Variants in NECAB1 observed in about 807,000 individuals in gnomAD.
The protein encoded by NECAB1 is N-terminal EF-hand calcium-binding protein 1.
In NECAB1, 29 loss-of-function variants were observed where a neutral mutation model predicts 57.5. That is an observed-to-expected ratio of 0.50 (90% CI 0.38 to 0.69). The LOEUF (loss-of-function observed/expected upper bound fraction) is 0.69. NECAB1 is among the 30% of genes least tolerant of loss of function. The pLI, the probability that NECAB1 is intolerant of heterozygous loss-of-function variation, is 0.00. For synonymous variants in NECAB1, 142 were observed against 147.7 expected (o/e 0.96, Z 0.28); for missense variants, 372 against 413.8 (o/e 0.90, Z 0.88).
chr8:90,912,584 A>AT (rs1462421374), intron 5 of NECAB1, among the ~76,000 whole-genome samples: 2 of 152,176 alleles, frequency 1.3e-5, no homozygotes, highest in Non-Finnish European at 2.9e-5. Flanking sequence ...GTAGTCTGAA[A>AT]TTATTTTGAT....
At chr8:90,880,242 ATCC>A (rs1174368340) in intron 4 of NECAB1, among the ~76,000 whole-genome samples, 3 of 152,152 alleles carry the variant, frequency 2.0e-5, no homozygotes, top group African/African-American at 7.2e-5. Flanking sequence ...ACTACAGTTC[ATCC>A]AAGGAAGGGT....
At chr8:90,872,742 G>GA (rs1160015567) in intron 4 of NECAB1, among the ~76,000 whole-genome samples, 1 of 152,058 alleles carries the variant, frequency 6.6e-6, no homozygotes, top group Non-Finnish European at 1.5e-5. Flanking sequence ...ATTATTTTAT[G>GA]AAAAAATAGA....
rs566550777 is a variant in NECAB1 at position 90,951,313 on chromosome 8, T to C, written c.1030+109T>C. The C allele has an allele frequency of 8.0e-5, 48 of 603,598 alleles. No individual in the cohort carries two copies. The African/African-American group carries it at 8.5e-4, about 11-fold the overall frequency. The allele number at this position is 603,598 out of a possible 1,614,324, so 37.4% of individuals were successfully genotyped here. ...TCTATATTTTATCAATGGTACTCTC[T>C]TATTTATTTCTTTATATATTTTATG... On this transcript the variant is annotated intron_variant, in intron 12 of 12. Transcript: ENST00000417640.
intron 5 of NECAB1, among the ~76,000 whole-genome samples, chr8:90,907,810 T>C (rs1321075293): frequency 6.6e-6 from 1 of 152,212 alleles, no homozygotes; most frequent in East Asian, 1.9e-4. Flanking sequence ...TCCCAAAGGT[T>C]ATTTTTTCCT....
intron 5 of NECAB1, among the ~76,000 whole-genome samples, chr8:90,898,366 A>G (rs939370819): frequency 2.6e-5 from 4 of 152,194 alleles, no homozygotes; most frequent in Non-Finnish European, 5.9e-5. Context: ...CAACTTTTGT[A>G]TTTAAATCAA....
chr8:90,870,765 A>G (rs1015559030), intron 3 of NECAB1, among the ~76,000 whole-genome samples: 3 of 152,232 alleles, frequency 2.0e-5, no homozygotes, highest in Non-Finnish European at 4.4e-5. Context: ...TGACAGAGTC[A>G]TGTTTGTAGA....
chr8:90,925,681 A>T, intron 7 of NECAB1, 25 bp downstream of exon 7: 1 of 1,612,690 alleles, frequency 6.2e-7, no homozygotes, highest in African/African-American at 1.3e-5. Context: ...ATTTGTTTTT[A>T]TTTGTCAAAG....
intron 3 of NECAB1, among the ~76,000 whole-genome samples, chr8:90,861,786 C>T (rs1247258809): frequency 1.3e-5 from 2 of 152,130 alleles, no homozygotes; most frequent in African/African-American, 4.8e-5. Flanking sequence ...AAGTAACCTG[C>T]CTAAGATCAC....
chr8:90,879,017 T>C (rs971384778), intron 4 of NECAB1, among the ~76,000 whole-genome samples: 9 of 143,204 alleles, frequency 6.3e-5, no homozygotes, highest in South Asian at 2.1e-4. Flanking sequence ...ATATTATATA[T>C]AATATATATT....
chr8:90,838,665 G>A (rs907031284), intron 3 of NECAB1, among the ~76,000 whole-genome samples: 13 of 152,196 alleles, frequency 8.5e-5, no homozygotes, highest in East Asian at 1.9e-4. Context: ...TCACATAGAC[G>A]TGGAGAGAAC....
At chr8:90,907,225 A>G (rs576832238) in intron 5 of NECAB1, among the ~76,000 whole-genome samples, 3 of 150,144 alleles carry the variant, frequency 2.0e-5, no homozygotes, top group South Asian at 4.2e-4. Flanking sequence ...AGCTAATACT[A>G]TGAACTCTTG....
In NECAB1 at chr8:90,791,977, T is replaced by C. The variant is rs776851239; in HGVS notation, c.91T>C (p.Phe31Leu). 2 of 1,551,882 alleles carry C rather than the reference T, an allele frequency of 1.3e-6. No individual in the cohort carries two copies. The highest frequency in any genetic ancestry group is 1.7e-6 in the Non-Finnish European group (2 of 1,147,026). The change falls in exon 1 of 13, where the codon TTC (phenylalanine) becomes CTC (leucine). Residue 31 changes from phenylalanine (F) to leucine (L), a missense_variant. Coordinates refer to ENST00000417640, the MANE Select transcript of NECAB1 (RefSeq NM_022351.5). ...ALHLSKGMSI[F>L]LDILRRADKN... is the part of the protein sequence containing the mutation. ...GCACCTGTCCAAGGGCATGTCGATC[T>C]TCCTCGACGTAAGTACAGATGGTGG...
chr8:90,852,940 C>T (rs901555651), intron 3 of NECAB1, among the ~76,000 whole-genome samples: 2 of 152,244 alleles, frequency 1.3e-5, no homozygotes, highest in Admixed American at 1.3e-4. Flanking sequence ...CCTTTGCCCT[C>T]GCTGATGGAG....
At chr8:90,881,680 C>A (rs1277482628) in intron 5 of NECAB1, among the ~76,000 whole-genome samples, 2 of 152,192 alleles carry the variant, frequency 1.3e-5, no homozygotes, top group Admixed American at 6.5e-5. Context: ...AAACAGAAGC[C>A]ACTATGCTTC....
chr8:90,915,052 A>G (rs1046646164), intron 5 of NECAB1, among the ~76,000 whole-genome samples: 1 of 152,200 alleles, frequency 6.6e-6, no homozygotes, highest in Non-Finnish European at 1.5e-5. Context: ...GCTATGCTTT[A>G]TTGCTCAGTA....
intron 10 of NECAB1, among the ~76,000 whole-genome samples, chr8:90,944,454 C>A (rs1586147987): frequency 6.6e-6 from 1 of 152,186 alleles, no homozygotes; most frequent in Non-Finnish European, 1.5e-5. Flanking sequence ...CATATACACA[C>A]ACATTGTTTG....
At chr8:90,852,478 C>A (rs1325669241) in intron 3 of NECAB1, among the ~76,000 whole-genome samples, 1 of 152,136 alleles carries the variant, frequency 6.6e-6, no homozygotes, top group Non-Finnish European at 1.5e-5. Flanking sequence ...CCTGACAAAA[C>A]CCCACCCTCA....
chr8:90,797,053 T>A (rs576566568), intron 1 of NECAB1, among the ~76,000 whole-genome samples: 2 of 152,316 alleles, frequency 1.3e-5, no homozygotes, highest in East Asian at 3.9e-4. Context: ...AGAAATAGGA[T>A]GCGTTTCATG....
intron 3 of NECAB1, among the ~76,000 whole-genome samples, chr8:90,827,617 A>G (rs1232059812): frequency 1.3e-5 from 2 of 152,036 alleles, no homozygotes; most frequent in African/African-American, 4.8e-5. Context: ...GCCATGCTTG[A>G]GGAGTGACTT....
Sources: gnomAD v4.1 joint callset for allele counts (sites outside exome capture counted in the v4.1 genomes callset) on GRCh38, gnomAD v4.1.1 for gene constraint, MANE v1.5 for transcripts, NCBI Gene and HGNC (gene_info 2026-07-23, HGNC 2026-07-21) for gene names.